The following NAV2 variants were observed in gnomAD, a reference collection of about 807,000 sequenced individuals.
NAV2 encodes the protein neuron navigator 2, also known as helicase, APC down-regulated 1.
A neutral mutation model predicts 223.2 loss-of-function variants in NAV2; 54 were observed. The ratio of observed to expected loss-of-function variants is 0.24; its 90% CI spans 0.19 to 0.30. The LOEUF is 0.30. NAV2 is among the 10% of genes least tolerant of loss of function. The pLI, the probability that NAV2 is intolerant of heterozygous loss-of-function variation, is 1.00. For missense variants in NAV2, 2,806 were observed against 3,147.5 expected, an observed-to-expected ratio of 0.89 and a Z score of 2.60; for synonymous variants, 1,279 against 1,239.3, an observed-to-expected ratio of 1.03 and a Z score of -0.67.
intron 4 of NAV2, among the ~76,000 whole-genome samples, chr11:19,874,878 T>G (rs1301756951): frequency 6.6e-6 from 1 of 152,198 alleles, no homozygotes; most frequent in Non-Finnish European, 1.5e-5. Flanking sequence ...AGTTGCAGAC[T>G]GGGCACAATG....
intron 1 of NAV2, among the ~76,000 whole-genome samples, chr11:19,352,195 T>A (rs1410222135): frequency 6.6e-6 from 1 of 152,208 alleles, no homozygotes; most frequent in African/African-American, 2.4e-5. Flanking sequence ...TTTGTGGTGT[T>A]TGATTTATTA....
intron 1 of NAV2, among the ~76,000 whole-genome samples, chr11:19,766,438 A>C (rs796520995): frequency 4.6e-5 from 7 of 152,324 alleles, no homozygotes; most frequent in African/African-American, 1.7e-4. Flanking sequence ...AGCTGATGTC[A>C]TTAGAGCATC....
At chr11:19,847,811 T>C (rs2152963415) in intron 3 of NAV2, among the ~76,000 whole-genome samples, 1 of 152,310 alleles carries the variant, frequency 6.6e-6, no homozygotes, top group East Asian at 1.9e-4. Context: ...CAACAGCCCT[T>C]TGATGCGGGT....
chr11:19,472,225 G>A (rs2041985987), intron 1 of NAV2, among the ~76,000 whole-genome samples: 1 of 152,108 alleles, frequency 6.6e-6, no homozygotes, highest in South Asian at 2.1e-4. Flanking sequence ...GGGGCAGAGA[G>A]GTCCTACGGT....
At chr11:19,619,256 TC>T (rs1245417271) in intron 1 of NAV2, among the ~76,000 whole-genome samples, 5 of 13,850 alleles carry the variant, frequency 3.6e-4, no homozygotes, top group African/African-American at 1.1e-3. Flanking sequence ...TGATTTATAA[TC>T]CTTTGGGTAT....
At chr11:19,702,031 C>T (rs1181928098) in intron 1 of NAV2, among the ~76,000 whole-genome samples, 2 of 152,212 alleles carry the variant, frequency 1.3e-5, no homozygotes, top group African/African-American at 4.8e-5. Context: ...TCTGGCATCC[C>T]ACTTTCCTCT....
chr11:19,702,025 G>A (rs914057157), intron 1 of NAV2, among the ~76,000 whole-genome samples: 9 of 152,288 alleles, frequency 5.9e-5, no homozygotes, highest in African/African-American at 1.9e-4. Flanking sequence ...TTCATTTCTG[G>A]CATCCCACTT....
At chr11:19,346,690 T>C (rs1428366744), upstream of NAV2, among the ~76,000 whole-genome samples, 1 of 152,224 alleles carries the variant, frequency 6.6e-6, no homozygotes, top group African/African-American at 2.4e-5. Context: ...GGTTGGCGGC[T>C]GGGTCTGCCC....
chr11:19,372,445 G>A (rs554748590), intron 1 of NAV2, among the ~76,000 whole-genome samples: 1 of 152,216 alleles, frequency 6.6e-6, no homozygotes, highest in East Asian at 1.9e-4. Context: ...AGCTGGGCTT[G>A]TATTTTCTTC....
At chr11:19,929,694 A>C (rs926495894) in intron 6 of NAV2, among the ~76,000 whole-genome samples, 2 of 152,200 alleles carry the variant, frequency 1.3e-5, no homozygotes, top group Non-Finnish European at 1.5e-5. Flanking sequence ...TAAAACCCTA[A>C]AGACTCATCA....
chr11:19,564,032 T>A (rs2045183942), intron 1 of NAV2, among the ~76,000 whole-genome samples: 1 of 152,198 alleles, frequency 6.6e-6, no homozygotes, highest in African/African-American at 2.4e-5. Context: ...TTCCCTGTCT[T>A]CACCTGTTCA....
At chr11:19,898,254 A>T (rs2042161138) in intron 6 of NAV2, among the ~76,000 whole-genome samples, 1 of 152,194 alleles carries the variant, frequency 6.6e-6, no homozygotes, top group Non-Finnish European at 1.5e-5. Context: ...AATGGAAGAT[A>T]TTCAAACAAC....
intron 1 of NAV2, among the ~76,000 whole-genome samples, chr11:19,807,336 TG>T: frequency 6.6e-6 from 1 of 152,130 alleles, no homozygotes; most frequent in East Asian, 1.9e-4. Context: ...CTCACCTTCC[TG>T]CTCCACCCCC....
rs565287753 is a variant in NAV2 at position 19,771,741 on chromosome 11, AGAAAAGG to A, written c.267+57783_267+57789del. On this transcript the variant is annotated intron_variant, in intron 1 of 37. Coordinates refer to ENST00000349880, the MANE Select transcript of NAV2 (RefSeq NM_145117.5). ...ACATAATTCTTTATCTCAAGAAAAA[AGAAAAGG>A]GAAGAGAGGAAGGAGAGAAATCCTT... Among the ~76,000 whole-genome samples, 9 of 152,286 alleles carry A rather than the reference AGAAAAGG, an allele frequency of 5.9e-5. No homozygotes were observed. In the East Asian group the frequency reaches 1.7e-3, roughly 29 times the overall value.
At chr11:19,643,269 T>G (rs1267845459) in intron 1 of NAV2, among the ~76,000 whole-genome samples, 1 of 152,106 alleles carries the variant, frequency 6.6e-6, no homozygotes, top group Non-Finnish European at 1.5e-5. Context: ...CACCCATTAC[T>G]CGTCATTTAA....
intron 19 of NAV2, 21 bp from the exon 20 acceptor site, chr11:20,062,286 C>T: frequency 1.4e-6 from 2 of 1,380,280 alleles, no homozygotes; most frequent in Non-Finnish European, 2.0e-6. Flanking sequence ...ATCAATTCAC[C>T]TTTTTTTTTT....
chr11:19,943,426 T>C (rs559340806), intron 8 of NAV2, among the ~76,000 whole-genome samples: 1 of 152,310 alleles, frequency 6.6e-6, no homozygotes, highest in Non-Finnish European at 1.5e-5. Flanking sequence ...TCCAAATTTC[T>C]TTGGGTTAAA....
At chr11:19,601,757 A>G (rs916198957) in intron 1 of NAV2, among the ~76,000 whole-genome samples, 31 of 152,204 alleles carry the variant, frequency 2.0e-4, no homozygotes, top group African/African-American at 7.2e-4. Context: ...AAGTGACACT[A>G]AAGCTCAGTT....
At chr11:20,035,484 C>G (rs2056257660) in intron 11 of NAV2, among the ~76,000 whole-genome samples, 1 of 152,132 alleles carries the variant, frequency 6.6e-6, no homozygotes, top group African/African-American at 2.4e-5. Flanking sequence ...TGTTGCCGCT[C>G]TCCCTCGCTC....
Sources: gnomAD v4.1 joint callset for allele counts (sites outside exome capture counted in the v4.1 genomes callset) on GRCh38, gnomAD v4.1.1 for gene constraint, MANE v1.5 for transcripts, NCBI Gene and HGNC (gene_info 2026-07-23, HGNC 2026-07-21) for gene names.